AR: variants seen among roughly 807,000 people sequenced by gnomAD.
The protein encoded by AR is dihydrotestosterone receptor.
AR carries 8 observed loss-of-function variants against 53.9 expected under a neutral mutation model. The observed-to-expected ratio is 0.15, with a 90% CI of 0.09 to 0.27. The LOEUF (loss-of-function observed/expected upper bound fraction) is 0.27. Ranked by LOEUF, AR falls within the 10% of genes least tolerant of loss-of-function variation. The pLI is 1.00. For missense variants in AR, 639 were observed against 742.5 expected (o/e 0.86, Z 1.62); for synonymous variants, 359 against 316.4 (o/e 1.13, Z -1.43).
intron 1 of AR, among the ~76,000 whole-genome samples, chrX:67,618,287 CTTTGGTAGTT>C (rs1317208508): frequency 2.7e-5 from 3 of 111,071 alleles, no homozygotes; most frequent in Non-Finnish European, 5.7e-5. Context: ...ATTGTGAAGT[CTTTGGTAGTT>C]TTTGAGGGGA....
intron 1 of AR, among the ~76,000 whole-genome samples, chrX:67,592,256 A>G (rs1387405505): frequency 8.9e-6 from 1 of 112,218 alleles, no homozygotes; most frequent in African/African-American, 3.2e-5. Context: ...TCTGGGCTGA[A>G]CAATAGGTAA....
At chrX:67,588,231 G>A (rs943404192) in intron 1 of AR, among the ~76,000 whole-genome samples, 1 of 112,022 alleles carries the variant, frequency 8.9e-6, no homozygotes, top group African/African-American at 3.2e-5. Flanking sequence ...TCCATCTCAA[G>A]GGTGAGTAGA....
chrX:67,595,897 A>G (rs969119194), intron 1 of AR, among the ~76,000 whole-genome samples: 1 of 111,647 alleles, frequency 9.0e-6, no homozygotes, highest in African/African-American at 3.3e-5. Flanking sequence ...GGTCGCTGAT[A>G]TAGTTTGGAT....
intron 1 of AR, among the ~76,000 whole-genome samples, chrX:67,613,821 G>A (rs1477166622): frequency 2.7e-5 from 3 of 112,027 alleles, no homozygotes; most frequent in Non-Finnish European, 5.6e-5. Context: ...CTAGTGGAAT[G>A]GATAACTATG....
chrX:67,633,793 G>C (rs2085962842), intron 1 of AR, among the ~76,000 whole-genome samples: 1 of 111,231 alleles, frequency 9.0e-6, no homozygotes, highest in South Asian at 3.8e-4. Flanking sequence ...ATTATGCTAG[G>C]TGAAAAAAGC....
At chrX:67,662,014 A>C (rs1389448476) in intron 2 of AR, among the ~76,000 whole-genome samples, 1 of 111,501 alleles carries the variant, frequency 9.0e-6, no homozygotes, top group African/African-American at 3.3e-5. Context: ...GGTAGTTTGT[A>C]CTTCTGTGGG....
intron 2 of AR, among the ~76,000 whole-genome samples, chrX:67,658,926 A>G (rs1056308442): frequency 2.7e-5 from 3 of 111,871 alleles, no homozygotes; most frequent in East Asian, 2.8e-4. Flanking sequence ...TACGAATAGT[A>G]GGTGTATATG....
intron 5 of AR, among the ~76,000 whole-genome samples, chrX:67,719,507 C>T (rs552859219): frequency 9.0e-5 from 10 of 111,558 alleles, no homozygotes; most frequent in South Asian, 3.8e-4. Flanking sequence ...GGCCTCCCTA[C>T]GGGGTCAGAG....
In AR at chrX:67,545,878, G is replaced by C. The variant is rs551440893; in HGVS notation, c.732G>C (p.Ser244=). ...DNAKELCKAV[S]VSMGLGVEAL... is the part of the protein sequence containing the mutation. ...CCAAGGAGTTGTGTAAGGCAGTGTC[G>C]GTGTCCATGGGCCTGGGTGTGGAGG... Residue 244 remains serine (S), a synonymous_variant, in exon 1 of 8, where the codon TCG becomes TCC. Coordinates refer to ENST00000374690, the MANE Select transcript of AR (RefSeq NM_000044.6). The C allele has an allele frequency of 8.3e-7, 1 of 1,212,029 alleles. No individual in the cohort carries two copies.
At chrX:67,716,386 G>A (rs1003597392) in intron 4 of AR, among the ~76,000 whole-genome samples, 1 of 112,119 alleles carries the variant, frequency 8.9e-6, no homozygotes, top group Non-Finnish European at 1.9e-5. Context: ...GCCTTTGAGT[G>A]AAGACTTGAA....
At chrX:67,629,572 T>C (rs1184927917) in intron 1 of AR, among the ~76,000 whole-genome samples, 2 of 110,337 alleles carry the variant, frequency 1.8e-5, no homozygotes, top group South Asian at 4.0e-4. Flanking sequence ...ATTTTGTTGA[T>C]CCTTTCAAAA....
intron 1 of AR, among the ~76,000 whole-genome samples, chrX:67,624,904 C>CAAAAAAAAAAAAA (rs140323582): frequency 4.4e-4 from 8 of 18,190 alleles, no homozygotes; most frequent in East Asian, 2.3e-3. Flanking sequence ...GGCAATTAGG[C>CAAAAAAAAAAAAA]AAAAAAAAAA....
chrX:67,565,511 T>G (rs1406195617), intron 1 of AR, among the ~76,000 whole-genome samples: 2 of 111,899 alleles, frequency 1.8e-5, no homozygotes, highest in East Asian at 5.7e-4. Flanking sequence ...ATTCCTAGGA[T>G]GTATAAATTG....
chrX:67,606,090 G>A (rs1443495918), intron 1 of AR, among the ~76,000 whole-genome samples: 1 of 110,891 alleles, frequency 9.0e-6, no homozygotes, highest in African/African-American at 3.3e-5. Flanking sequence ...TGAGTATAAG[G>A]TGCTGAATAT....
intron 1 of AR, among the ~76,000 whole-genome samples, chrX:67,628,653 G>C (rs1242992017): frequency 9.1e-6 from 1 of 109,974 alleles, no homozygotes; most frequent in Non-Finnish European, 1.9e-5. Flanking sequence ...AATTGCCCTG[G>C]CCAGAACTTC....
chrX:67,610,234 A>G (rs1182610582), intron 1 of AR, among the ~76,000 whole-genome samples: 1 of 111,629 alleles, frequency 9.0e-6, no homozygotes, highest in East Asian at 2.8e-4. Flanking sequence ...ATGGAATTAC[A>G]GCTTAGTGTT....
chrX:67,677,387 G>A (rs759495268), intron 2 of AR, among the ~76,000 whole-genome samples: 1 of 111,391 alleles, frequency 9.0e-6, no homozygotes, highest in East Asian at 2.8e-4. Context: ...GTATATTGTA[G>A]CCAGACAGTG....
chrX:67,670,776 G>A (rs1289828595), intron 2 of AR, among the ~76,000 whole-genome samples: 1 of 110,157 alleles, frequency 9.1e-6, no homozygotes, highest in Admixed American at 9.7e-5. Flanking sequence ...ACAGGCCCTG[G>A]TGTATGATGT....
At chrX:67,668,697 T>C (rs752078431) in intron 2 of AR, among the ~76,000 whole-genome samples, 18 of 111,474 alleles carry the variant, frequency 1.6e-4, no homozygotes, top group African/African-American at 5.2e-4. Flanking sequence ...GGCTTTTTAC[T>C]GCTGGGGAGA....
Sources: gnomAD v4.1 joint callset for allele counts (sites outside exome capture counted in the v4.1 genomes callset) on GRCh38, gnomAD v4.1.1 for gene constraint, MANE v1.5 for transcripts, NCBI Gene and HGNC (gene_info 2026-07-23, HGNC 2026-07-21) for gene names.